Variants in ZEB1 observed in about 807,000 individuals in gnomAD.
ZEB1 encodes the protein zinc finger E-box-binding homeobox 1.
Under a neutral mutation model 84.9 loss-of-function variants are expected in ZEB1, and 21 were observed. That is an observed-to-expected ratio of 0.25 (90% CI 0.18 to 0.36). The LOEUF is 0.36. Ranked by LOEUF, ZEB1 falls within the 10% of genes least tolerant of loss-of-function variation. The probability of loss-of-function intolerance (pLI) is 1.00; values close to 1 mark genes in which losing one functional copy is unlikely to be tolerated. For missense variants in ZEB1, 1,104 were observed against 1,330.2 expected (o/e 0.83, Z 2.65); for synonymous variants, 420 against 471.1 (o/e 0.89, Z 1.41).
At chr10:31,446,313 A>G (rs2136820222) in intron 1 of ZEB1, among the ~76,000 whole-genome samples, 1 of 151,496 alleles carries the variant, frequency 6.6e-6, no homozygotes, top group South Asian at 2.1e-4. Context: ...CTCTTTTTTT[A>G]TTAGTCTTGC....
At chr10:31,435,365 A>C (rs1382680775) in intron 1 of ZEB1, among the ~76,000 whole-genome samples, 1 of 152,250 alleles carries the variant, frequency 6.6e-6, no homozygotes, top group African/African-American at 2.4e-5. Flanking sequence ...AATGTATGCT[A>C]TTTTAAGCCT....
At chr10:31,470,784 A>G (rs1191788554) in intron 2 of ZEB1, among the ~76,000 whole-genome samples, 1 of 136,056 alleles carries the variant, frequency 7.3e-6, no homozygotes, top group Non-Finnish European at 1.6e-5. Context: ...AGTTGAAATG[A>G]AGGAAAAAAT....
intron 1 of ZEB1, among the ~76,000 whole-genome samples, chr10:31,366,564 A>G (rs2044539986): frequency 6.6e-6 from 1 of 152,198 alleles, no homozygotes; most frequent in African/African-American, 2.4e-5. Flanking sequence ...ATCTTCCTGA[A>G]GTACTAATTA....
At chr10:31,494,035 C>T (rs1476248886) in intron 2 of ZEB1, among the ~76,000 whole-genome samples, 3 of 151,938 alleles carry the variant, frequency 2.0e-5, no homozygotes, top group Non-Finnish European at 4.4e-5. Flanking sequence ...TTCCATCTTA[C>T]GAGGTAGTAA....
intron 1 of ZEB1, among the ~76,000 whole-genome samples, chr10:31,447,839 C>G (rs1335036336): frequency 6.6e-6 from 1 of 152,146 alleles, no homozygotes; most frequent in Non-Finnish European, 1.5e-5. Context: ...TCTGGCTGCC[C>G]TTAACATTTC....
intron 1 of ZEB1, among the ~76,000 whole-genome samples, chr10:31,378,688 T>C (rs1178105574): frequency 6.6e-6 from 1 of 151,910 alleles, no homozygotes; most frequent in Non-Finnish European, 1.5e-5. Context: ...AAAAATCTTA[T>C]ATATCATTAA....
intron 1 of ZEB1, among the ~76,000 whole-genome samples, chr10:31,357,844 T>C (rs955565566): frequency 1.7e-4 from 26 of 152,110 alleles, no homozygotes; most frequent in Non-Finnish European, 2.9e-5. Flanking sequence ...CAGTTTGTCG[T>C]CTACTCTACT....
At chr10:31,427,094 A>T (rs80319601) in intron 1 of ZEB1, among the ~76,000 whole-genome samples, 2 of 152,050 alleles carry the variant, frequency 1.3e-5, no homozygotes, top group South Asian at 4.2e-4. Context: ...TAAAAAAAAA[A>T]CCCGGATGCA....
intron 1 of ZEB1, among the ~76,000 whole-genome samples, chr10:31,372,020 TGAGA>T (rs143104953): frequency 5.9e-5 from 9 of 151,440 alleles, no homozygotes; most frequent in Admixed American, 2.6e-4. Context: ...CACATGTATG[TGAGA>T]GAGAGAGAGA....
At chr10:31,497,223 G>C (rs1302629854) in intron 3 of ZEB1, among the ~76,000 whole-genome samples, 1 of 152,018 alleles carries the variant, frequency 6.6e-6, no homozygotes, top group Non-Finnish European at 1.5e-5. Flanking sequence ...TATATTACCA[G>C]AATTACAGAA....
intron 1 of ZEB1, among the ~76,000 whole-genome samples, chr10:31,393,397 A>G (rs1021302068): frequency 6.6e-5 from 10 of 152,156 alleles, no homozygotes; most frequent in Admixed American, 2.0e-4. Context: ...GTTATTTTCC[A>G]TGGGTATTTC....
intron 1 of ZEB1, among the ~76,000 whole-genome samples, chr10:31,365,799 G>T (rs552546026): frequency 6.6e-6 from 1 of 152,288 alleles, no homozygotes; most frequent in South Asian, 2.1e-4. Context: ...GTTGATTTTT[G>T]TTGTTGGCCA....
chr10:31,413,334 A>G (rs1345502639), intron 1 of ZEB1, among the ~76,000 whole-genome samples: 1 of 152,222 alleles, frequency 6.6e-6, no homozygotes, highest in Admixed American at 6.5e-5. Flanking sequence ...AGAATAGTCT[A>G]GCAAAAAATG....
chr10:31,526,613 T>C, intron 8 of ZEB1, 59 bp from the exon 9 acceptor site: 1 of 1,595,484 alleles, frequency 6.3e-7, no homozygotes, highest in Non-Finnish European at 8.5e-7. Context: ...CCAAAAACCG[T>C]ATAAGGATTT....
intron 1 of ZEB1, chr10:31,387,734 A>C: frequency 1.0e-6 from 1 of 985,000 alleles, no homozygotes; most frequent in Non-Finnish European, 1.2e-6. Context: ...AGCCCCTCAA[A>C]CCATTTTGTA....
intron 2 of ZEB1, among the ~76,000 whole-genome samples, chr10:31,468,055 C>T (rs1243772305): frequency 6.6e-6 from 1 of 152,046 alleles, no homozygotes; most frequent in Non-Finnish European, 1.5e-5. Context: ...TTACCCTGAA[C>T]CAGCTCTTGT....
chr10:31,494,572 A>G (rs776797139), intron 2 of ZEB1, among the ~76,000 whole-genome samples: 12 of 152,118 alleles, frequency 7.9e-5, no homozygotes, highest in Middle Eastern at 3.4e-3. Context: ...AGAAATCTCA[A>G]TCAAGACTTT....
At chr10:31,363,587 C>A (rs764739316) in intron 1 of ZEB1, 2 of 1,523,100 alleles carry the variant, frequency 1.3e-6, no homozygotes, top group South Asian at 1.2e-5. Flanking sequence ...TCTTTGGGCT[C>A]TTCTGCGCTC....
intron 2 of ZEB1, among the ~76,000 whole-genome samples, chr10:31,477,878 C>T (rs1257271102): frequency 1.3e-5 from 2 of 151,866 alleles, no homozygotes; most frequent in Non-Finnish European, 2.9e-5. Context: ...GGATTAAAGA[C>T]CCATAAATGT....
Sources: gnomAD v4.1 joint callset for allele counts (sites outside exome capture counted in the v4.1 genomes callset) on GRCh38, gnomAD v4.1.1 for gene constraint, MANE v1.5 for transcripts, NCBI Gene and HGNC (gene_info 2026-07-23, HGNC 2026-07-21) for gene names.